The following QTMAN variants were observed in gnomAD, a reference collection of about 807,000 sequenced individuals.
The protein encoded by QTMAN is queuosine-tRNA mannosyltransferase, also known as tRNA-queuosine alpha-mannosyltransferase.
the QTMAN span, among the ~76,000 whole-genome samples, chr2:144,330,745 A>C: frequency 5.3e-5 from 8 of 152,348 alleles, no homozygotes; most frequent in Middle Eastern, 3.4e-3. Context: ...AAACTTTAGT[A>C]CAAGAGGTCT....
the QTMAN span, among the ~76,000 whole-genome samples, chr2:144,292,935 T>G: frequency 6.6e-6 from 1 of 152,258 alleles, no homozygotes; most frequent in South Asian, 2.1e-4. Flanking sequence ...ACATAACAAA[T>G]GATCATATAC....
At chr2:144,265,010 G>A in the QTMAN span, among the ~76,000 whole-genome samples, 2 of 152,362 alleles carry the variant, frequency 1.3e-5, no homozygotes, top group Admixed American at 1.3e-4. Flanking sequence ...AGGAAGACAG[G>A]GAGGCAGTGT....
chr2:144,239,433 T>C, the QTMAN span, among the ~76,000 whole-genome samples: 1 of 152,138 alleles, frequency 6.6e-6, no homozygotes, highest in Non-Finnish European at 1.5e-5. Flanking sequence ...TTGTTTTGAA[T>C]GTAAGGTTTT....
the QTMAN span, among the ~76,000 whole-genome samples, chr2:144,270,466 T>C: frequency 6.6e-6 from 1 of 152,204 alleles, no homozygotes; most frequent in African/African-American, 2.4e-5. Context: ...CATGGAATAC[T>C]TTGCAGCCAT....
the QTMAN span, chr2:144,177,374 T>C: frequency 8.7e-6 from 5 of 571,572 alleles, no homozygotes; most frequent in African/African-American, 5.6e-5. Context: ...GGGTAGTCAA[T>C]TGGAGATGAA....
the QTMAN span, among the ~76,000 whole-genome samples, chr2:144,163,136 A>G: frequency 2.6e-5 from 4 of 152,162 alleles, no homozygotes; most frequent in Non-Finnish European, 5.9e-5. Context: ...CTAAAGTACA[A>G]AATTATAAAT....
At chr2:144,145,717 G>A in the QTMAN span, 2 of 1,610,102 alleles carry the variant, frequency 1.2e-6, no homozygotes, top group African/African-American at 1.3e-5. Context: ...GTCAGGTTAA[G>A]CACTGAACTT....
chr2:144,296,609 C>T, the QTMAN span, among the ~76,000 whole-genome samples: 1 of 152,114 alleles, frequency 6.6e-6, no homozygotes, highest in South Asian at 2.1e-4. Flanking sequence ...CAAAGTTAAA[C>T]AACACTGTTT....
the QTMAN span, among the ~76,000 whole-genome samples, chr2:144,277,187 T>A: frequency 6.6e-6 from 1 of 152,132 alleles, no homozygotes; most frequent in African/African-American, 2.4e-5. Context: ...ATATTAAAAT[T>A]TATTTCATAT....
At chr2:144,224,260 A>G in the QTMAN span, among the ~76,000 whole-genome samples, 3 of 152,238 alleles carry the variant, frequency 2.0e-5, no homozygotes, top group African/African-American at 4.8e-5. Flanking sequence ...CATAAAAGTT[A>G]TAACAACAAT....
chr2:144,060,512 C>T, the QTMAN span, among the ~76,000 whole-genome samples: 4 of 152,118 alleles, frequency 2.6e-5, no homozygotes, highest in African/African-American at 7.2e-5. Context: ...CCACTCACCT[C>T]GGCCAACCAA....
At chr2:144,190,783 G>A in the QTMAN span, among the ~76,000 whole-genome samples, 1 of 152,066 alleles carries the variant, frequency 6.6e-6, no homozygotes, top group East Asian at 1.9e-4. Flanking sequence ...TGATTCTAAG[G>A]GATGGTGGAA....
the QTMAN span, among the ~76,000 whole-genome samples, chr2:144,210,249 A>G: frequency 6.6e-6 from 1 of 152,180 alleles, no homozygotes; most frequent in Non-Finnish European, 1.5e-5. Context: ...TAGTCTCATC[A>G]TCTCCAAAAT....
At chr2:143,970,601 T>C in the QTMAN span, 4 of 917,646 alleles carry the variant, frequency 4.4e-6, no homozygotes, top group Admixed American at 1.8e-5. Flanking sequence ...ACTTACGTTG[T>C]AGAGCTTATG....
the QTMAN span, among the ~76,000 whole-genome samples, chr2:144,125,738 A>C: frequency 6.6e-6 from 1 of 152,110 alleles, no homozygotes; most frequent in African/African-American, 2.4e-5. Context: ...AAAAACCATA[A>C]AACTAGGTTA....
At chr2:144,133,469 TA>T in the QTMAN span, among the ~76,000 whole-genome samples, 1 of 77,298 alleles carries the variant, frequency 1.3e-5, no homozygotes, top group Non-Finnish European at 2.3e-5. Context: ...ATATATTATA[TA>T]TTATATAATA....
chr2:144,227,107 T>C, the QTMAN span, among the ~76,000 whole-genome samples: 6 of 152,326 alleles, frequency 3.9e-5, no homozygotes, highest in Non-Finnish European at 7.4e-5. Context: ...AAATCTGCTT[T>C]AATATGTCTT....
chr2:144,134,549 C>G, the QTMAN span, among the ~76,000 whole-genome samples: 6 of 152,044 alleles, frequency 3.9e-5, no homozygotes, highest in African/African-American at 1.4e-4. Context: ...TGAGGAAATT[C>G]ACAGGAAAAA....
At chr2:144,218,225 A>G in the QTMAN span, among the ~76,000 whole-genome samples, 1 of 152,244 alleles carries the variant, frequency 6.6e-6, no homozygotes, top group South Asian at 2.1e-4. Context: ...AGATTGTATT[A>G]CCATGTAAAT....
Sources: allele counts gnomAD v4.1 joint callset (sites outside exome capture counted in the v4.1 genomes callset), GRCh38; gene constraint gnomAD v4.1.1; transcripts MANE v1.5; gene names NCBI Gene and HGNC (gene_info 2026-07-23, HGNC 2026-07-21).